SMYD3: variants seen among roughly 807,000 people sequenced by gnomAD.
SMYD3 encodes the protein histone-lysine N-methyltransferase SMYD3.
Under a neutral mutation model 57.7 loss-of-function variants are expected in SMYD3, and 36 were observed. The observed-to-expected ratio is 0.62, with a 90% confidence interval of 0.48 to 0.82. The LOEUF is 0.82. Ranked by LOEUF, SMYD3 falls within the 40% of genes least tolerant of loss-of-function variation. The probability of loss-of-function intolerance (pLI) is 0.00; values close to 1 mark genes in which losing one functional copy is unlikely to be tolerated. For synonymous variants in SMYD3, 211 were observed against 195.0 expected (o/e 1.08, Z -0.68); for missense variants, 515 against 538.8 (o/e 0.96, Z 0.44).
At chr1:245,817,457 C>G (rs1179065847) in intron 10 of SMYD3, among the ~76,000 whole-genome samples, 3 of 150,394 alleles carry the variant, frequency 2.0e-5, no homozygotes, top group African/African-American at 7.3e-5. Flanking sequence ...AAAAACAGAA[C>G]AGAAAAACTG....
intron 5 of SMYD3, among the ~76,000 whole-genome samples, chr1:246,043,999 G>A (rs1051868314): frequency 1.3e-5 from 2 of 152,184 alleles, no homozygotes; most frequent in African/African-American, 2.4e-5. Context: ...GTGTCCGCAC[G>A]TGGTTCCTGG....
chr1:246,261,197 T>C (rs982142755), intron 5 of SMYD3, among the ~76,000 whole-genome samples: 1 of 152,094 alleles, frequency 6.6e-6, no homozygotes, highest in Non-Finnish European at 1.5e-5. Flanking sequence ...TAGCTGGGAC[T>C]ACAGGCGCCC....
chr1:246,118,954 G>C (rs1329857447), intron 5 of SMYD3, among the ~76,000 whole-genome samples: 2 of 151,902 alleles, frequency 1.3e-5, no homozygotes, highest in Non-Finnish European at 2.9e-5. Flanking sequence ...TGACATCTGA[G>C]GACCTTCTAA....
At chr1:245,890,614 A>C (rs541871340) in intron 8 of SMYD3, among the ~76,000 whole-genome samples, 1 of 152,330 alleles carries the variant, frequency 6.6e-6, no homozygotes, top group East Asian at 1.9e-4. Flanking sequence ...ACCCTCGCAC[A>C]CTATTGTTGG....
intron 5 of SMYD3, among the ~76,000 whole-genome samples, chr1:246,215,526 G>A (rs1452842612): frequency 2.6e-5 from 4 of 152,092 alleles, no homozygotes; most frequent in Admixed American, 6.5e-5. Context: ...AAGCCCTAAA[G>A]AAAGTTACCA....
intron 5 of SMYD3, among the ~76,000 whole-genome samples, chr1:246,068,326 T>A (rs1395929199): frequency 6.6e-6 from 1 of 151,262 alleles, no homozygotes; most frequent in Non-Finnish European, 1.5e-5. Flanking sequence ...CAAAAAGCTG[T>A]CATTTCACTG....
At chr1:246,276,528 C>T (rs2064336530) in intron 5 of SMYD3, among the ~76,000 whole-genome samples, 2 of 150,154 alleles carry the variant, frequency 1.3e-5, no homozygotes, top group African/African-American at 2.5e-5. Context: ...TTTTTACTAG[C>T]CGTATTAACA....
At position 246,348,077 on chromosome 1, in the gene SMYD3, T is replaced by TATATATATATATGTATAC; in HGVS notation, c.228+6953_228+6954insGTATACATATATATATAT. ...AGAAAACGTTATATATATATATATA[T>TATATATATATATGTATAC]ACACACACACCATCAAATACTATGA... On this transcript the variant is annotated intron_variant, in intron 2 of 11. Transcript: ENST00000490107. Among the ~76,000 whole-genome samples, 4 of 86,486 alleles carry TATATATATATATGTATAC rather than the reference T, an allele frequency of 4.6e-5. 1 individual carries two copies. Among genetic ancestry groups the TATATATATATATGTATAC allele is most frequent in the African/African-American group, 1.6e-4 (4 of 24,958 alleles). 56.7% of individuals were successfully genotyped at this position (86,486 alleles called of 152,430 possible). A position where few individuals can be genotyped will look rare whatever the true frequency, so the allele number is the denominator to read the frequency against.
intron 5 of SMYD3, among the ~76,000 whole-genome samples, chr1:246,156,040 G>C (rs2062018712): frequency 6.6e-6 from 1 of 151,616 alleles, no homozygotes; most frequent in African/African-American, 2.4e-5. Flanking sequence ...TTGAGCTACA[G>C]AGTTCGAAGG....
rs2062608931 is a variant in SMYD3, at chr1:246,184,953, G to A, written c.531+142248C>T. Among the ~76,000 whole-genome samples the A allele has an allele frequency of 2.6e-5, 4 of 152,182 alleles. No homozygotes were observed. In the South Asian group the frequency reaches 8.3e-4, roughly 32 times the overall value. On this transcript the variant is annotated intron_variant, in intron 5 of 11. Transcript: ENST00000490107. ...ATACCTACCACATTGATGCTTAATA[G>A]TGACTACCCAAACAGCAGGAATAAA...
At chr1:246,139,516 C>T (rs1302311117) in intron 5 of SMYD3, among the ~76,000 whole-genome samples, 2 of 152,200 alleles carry the variant, frequency 1.3e-5, no homozygotes, top group Non-Finnish European at 2.9e-5. Context: ...CTCTTTTTCT[C>T]TTTTTCTAGT....
intron 5 of SMYD3, among the ~76,000 whole-genome samples, chr1:246,238,635 T>C (rs866883170): frequency 2.0e-5 from 3 of 152,200 alleles, no homozygotes; most frequent in African/African-American, 7.2e-5. Context: ...CAAGCAGATT[T>C]CATTTTCGTT....
At chr1:245,879,325 A>G (rs1336714240) in intron 8 of SMYD3, among the ~76,000 whole-genome samples, 2 of 152,246 alleles carry the variant, frequency 1.3e-5, no homozygotes, top group Admixed American at 1.3e-4. Flanking sequence ...ATAATATGCA[A>G]AGTGCTGTGC....
intron 5 of SMYD3, among the ~76,000 whole-genome samples, chr1:246,127,804 G>C (rs539177410): frequency 1.3e-5 from 2 of 152,170 alleles, no homozygotes; most frequent in South Asian, 4.2e-4. Context: ...GCTGAGGCAG[G>C]AGAATCACTT....
At chr1:245,935,094 C>T (rs2056924484) in intron 5 of SMYD3, among the ~76,000 whole-genome samples, 1 of 152,142 alleles carries the variant, frequency 6.6e-6, no homozygotes, top group South Asian at 2.1e-4. Flanking sequence ...CTGCATAGCA[C>T]AGGAAATGGT....
At position 246,122,142 on chromosome 1, in the gene SMYD3, G is replaced by T. The variant is rs138410822; in HGVS notation, c.532-192205C>A. 8.4e-3 allele frequency among the ~76,000 whole-genome samples: 1,274 copies of T among 152,250 alleles called. 15 individuals are homozygous for T. The highest frequency in any genetic ancestry group is 0.029 in the African/African-American group (1,202 of 41,538). ...AAAGAATGCAGGGCCAGGAAAGGTAGCTCATGCCTGTAATCCCAGCACTTT... is the reference window on the plus strand; with the variant it reads ...AAAGAATGCAGGGCCAGGAAAGGTATCTCATGCCTGTAATCCCAGCACTTT... On this transcript the variant is annotated intron_variant, in intron 5 of 11. Coordinates refer to ENST00000490107, the MANE Select transcript of SMYD3 (RefSeq NM_001167740.2).
chr1:246,228,523 T>C (rs1262147099), intron 5 of SMYD3, among the ~76,000 whole-genome samples: 2 of 152,202 alleles, frequency 1.3e-5, no homozygotes, highest in East Asian at 3.9e-4. Flanking sequence ...TTAGCAACAG[T>C]TGATGGCACT....
At chr1:246,360,917 A>C (rs1031841293) in intron 1 of SMYD3, among the ~76,000 whole-genome samples, 2 of 152,220 alleles carry the variant, frequency 1.3e-5, no homozygotes, top group African/African-American at 4.8e-5. Context: ...AGAACCCAAA[A>C]GCAAACGCAA....
chr1:245,824,844 G>GA (rs1050939455), intron 10 of SMYD3, among the ~76,000 whole-genome samples: 2 of 115,316 alleles, frequency 1.7e-5, no homozygotes, highest in African/African-American at 6.1e-5. Flanking sequence ...CAACAAGAAC[G>GA]AAACTCCGTC....
Sources: gnomAD v4.1 joint callset for allele counts (sites outside exome capture counted in the v4.1 genomes callset) on GRCh38, gnomAD v4.1.1 for gene constraint, MANE v1.5 for transcripts, NCBI Gene and HGNC (gene_info 2026-07-23, HGNC 2026-07-21) for gene names.